Variants in SGCD observed in about 807,000 individuals in gnomAD.
SGCD encodes the protein delta-sarcoglycan.
Under a neutral mutation model 36.6 loss-of-function variants are expected in SGCD, and 18 were observed. The observed-to-expected ratio is 0.49, with a 90% CI of 0.34 to 0.73. The LOEUF (loss-of-function observed/expected upper bound fraction) is 0.73. Ranked by LOEUF, SGCD falls within the 30% of genes least tolerant of loss-of-function variation. The probability of loss-of-function intolerance (pLI) is 0.01; values close to 1 mark genes in which losing one functional copy is unlikely to be tolerated. For missense variants in SGCD, 387 were observed against 346.7 expected, an observed-to-expected ratio of 1.12 and a Z score of -0.92; for synonymous variants, 133 against 130.6, an observed-to-expected ratio of 1.02 and a Z score of -0.12.
chr5:156,172,387 C>A (rs772256729), intron 3 of SGCD, among the ~76,000 whole-genome samples: 20 of 152,222 alleles, frequency 1.3e-4, no homozygotes, highest in Non-Finnish European at 2.6e-4. Context: ...ACAGCACCTG[C>A]TCTCAACGAG....
chr5:155,966,469 A>C (rs945906038), intron 1 of SGCD, among the ~76,000 whole-genome samples: 36 of 152,294 alleles, frequency 2.4e-4, no homozygotes, highest in African/African-American at 8.4e-4. Flanking sequence ...AGCACTTCAT[A>C]AATGCTAGGC....
At chr5:155,782,026 CTTTTTTTTTTT>C in the SGCD span, among the ~76,000 whole-genome samples, 1 of 122,910 alleles carries the variant, frequency 8.1e-6, no homozygotes, top group African/African-American at 2.9e-5. Context: ...TTTTTCTTTT[CTTTTTTTTTTT>C]TTTTTTGAGA....
intron 1 of SGCD, among the ~76,000 whole-genome samples, chr5:156,077,027 A>G (rs1760804825): frequency 6.6e-6 from 1 of 152,180 alleles, no homozygotes; most frequent in African/African-American, 2.4e-5. Context: ...CCCATTTTAT[A>G]TTTGGGGACA....
intron 6 of SGCD, among the ~76,000 whole-genome samples, chr5:156,607,305 A>T (rs146004678): frequency 0.036 from 5,432 of 152,188 alleles, 326 homozygotes; most frequent in African/African-American, 0.12. Context: ...TGAGATAGTC[A>T]TGTGGTTTTT....
intron 1 of SGCD, among the ~76,000 whole-genome samples, chr5:155,992,631 T>C (rs1333197346): frequency 6.6e-6 from 1 of 152,200 alleles, no homozygotes; most frequent in East Asian, 1.9e-4. Flanking sequence ...AAAAGCATTA[T>C]GTGAGTTATC....
At chr5:156,499,583 C>T (rs1049457657) in intron 3 of SGCD, among the ~76,000 whole-genome samples, 8 of 152,044 alleles carry the variant, frequency 5.3e-5, no homozygotes, top group African/African-American at 1.9e-4. Context: ...CAGAGAGGAG[C>T]AGAAGCATTG....
At chr5:155,815,240 G>T in the SGCD span, among the ~76,000 whole-genome samples, 5 of 151,980 alleles carry the variant, frequency 3.3e-5, no homozygotes, top group Non-Finnish European at 5.9e-5. Context: ...TTACCAATTT[G>T]CCTGTTTGCT....
chr5:155,955,102 C>T (rs1026908382), intron 1 of SGCD, among the ~76,000 whole-genome samples: 4 of 152,040 alleles, frequency 2.6e-5, no homozygotes, highest in Admixed American at 1.3e-4. Context: ...TTGGATGAGG[C>T]CTACTTGTGT....
chr5:156,532,740 C>T (rs992152919), intron 4 of SGCD, among the ~76,000 whole-genome samples: 3 of 152,186 alleles, frequency 2.0e-5, no homozygotes, highest in African/African-American at 4.8e-5. Flanking sequence ...GGATTATAGG[C>T]GTGAGCCACC....
intron 1 of SGCD, among the ~76,000 whole-genome samples, chr5:155,995,772 G>T (rs906949048): frequency 6.6e-6 from 1 of 151,994 alleles, no homozygotes; most frequent in African/African-American, 2.4e-5. Context: ...TATTTCATAT[G>T]ATTTCAGGCA....
the SGCD span, among the ~76,000 whole-genome samples, chr5:155,750,217 CA>C: frequency 9.2e-5 from 14 of 152,264 alleles, no homozygotes; most frequent in African/African-American, 3.1e-4. Flanking sequence ...TTTGTGTAAT[CA>C]AATGCCTTCA....
chr5:156,048,494 G>C (rs1276271742), intron 1 of SGCD, among the ~76,000 whole-genome samples: 1 of 152,150 alleles, frequency 6.6e-6, no homozygotes, highest in Non-Finnish European at 1.5e-5. Flanking sequence ...GTTGTTTCCT[G>C]ACTTTTTAAT....
At chr5:156,142,066 G>A (rs1181822067) in intron 3 of SGCD, among the ~76,000 whole-genome samples, 1 of 152,120 alleles carries the variant, frequency 6.6e-6, no homozygotes, top group Non-Finnish European at 1.5e-5. Context: ...AGTTTCTCAT[G>A]GTTTAGCAGC....
At chr5:156,282,881 T>A (rs1766489098) in intron 3 of SGCD, among the ~76,000 whole-genome samples, 1 of 152,162 alleles carries the variant, frequency 6.6e-6, no homozygotes, top group Admixed American at 6.6e-5. Flanking sequence ...GCATTTTAGT[T>A]TAATAAAAAT....
At chr5:156,070,276 A>G (rs753457939) in intron 1 of SGCD, among the ~76,000 whole-genome samples, 7 of 151,970 alleles carry the variant, frequency 4.6e-5, no homozygotes, top group Non-Finnish European at 7.3e-5. Context: ...TTTGTCATAG[A>G]TAGCTCTCAT....
At chr5:155,782,452 A>C in the SGCD span, among the ~76,000 whole-genome samples, 1 of 152,008 alleles carries the variant, frequency 6.6e-6, no homozygotes, top group Non-Finnish European at 1.5e-5. Context: ...AACCTAAATC[A>C]CTCCTAAACC....
chr5:156,430,340 G>T lies in SGCD; in HGVS notation c.193-78261G>T, dbSNP rs926362643. On this transcript the variant is annotated intron_variant, in intron 3 of 8. Transcript: ENST00000337851. ...CTTTATTTTTTATTTCCCTAAGTGT[G>T]TCTTTAATTTCTAGAAGTTTTGATT... 5.3e-5 allele frequency among the ~76,000 whole-genome samples: 8 copies of T among 151,880 alleles called. 1 individual carries two copies. The highest frequency in any genetic ancestry group is 7.4e-5 in the Non-Finnish European group (5 of 67,948).
chr5:156,165,352 A>C (rs1377311699), intron 3 of SGCD, among the ~76,000 whole-genome samples: 2 of 152,242 alleles, frequency 1.3e-5, no homozygotes, highest in African/African-American at 4.8e-5. Flanking sequence ...ACTTTTAAAA[A>C]ATGAAAAAAA....
At chr5:155,926,386 A>G (rs978569172) in intron 1 of SGCD, among the ~76,000 whole-genome samples, 1 of 152,324 alleles carries the variant, frequency 6.6e-6, no homozygotes, top group African/African-American at 2.4e-5. Context: ...TGCTCTTGAA[A>G]TACAGCAAAG....
Sources: allele counts gnomAD v4.1 joint callset (sites outside exome capture counted in the v4.1 genomes callset), GRCh38; gene constraint gnomAD v4.1.1; transcripts MANE v1.5; gene names NCBI Gene and HGNC (gene_info 2026-07-23, HGNC 2026-07-21).